TAFA5: variants seen among roughly 807,000 people sequenced by gnomAD.
TAFA5 encodes the protein TAFA chemokine like family member 5.
Under a neutral mutation model 15.3 loss-of-function variants are expected in TAFA5, and 6 were observed. The ratio of observed to expected loss-of-function variants is 0.39; its 90% CI spans 0.21 to 0.77. The LOEUF is 0.77. TAFA5 is among the 30% of genes least tolerant of loss of function. The probability of loss-of-function intolerance (pLI) is 0.41; values close to 1 mark genes in which losing one functional copy is unlikely to be tolerated. For missense variants in TAFA5, 161 were observed against 193.1 expected, an observed-to-expected ratio of 0.83 and a Z score of 0.98; for synonymous variants, 103 against 80.7, an observed-to-expected ratio of 1.28 and a Z score of -1.48.
intron 1 of TAFA5, among the ~76,000 whole-genome samples, chr22:48,594,701 CAGT>C (rs1175917983): frequency 6.6e-6 from 1 of 152,200 alleles, no homozygotes; most frequent in Non-Finnish European, 1.5e-5. Flanking sequence ...GACTGCCACT[CAGT>C]GGTCCCCGCA....
chr22:48,596,761 G>A (rs1924779815), intron 1 of TAFA5, among the ~76,000 whole-genome samples: 2 of 152,084 alleles, frequency 1.3e-5, no homozygotes, highest in Non-Finnish European at 2.9e-5. Flanking sequence ...ATACAGAGGG[G>A]CGCCACTGCC....
chr22:48,505,498 A>G (rs1333524634), intron 1 of TAFA5, among the ~76,000 whole-genome samples: 1 of 152,132 alleles, frequency 6.6e-6, no homozygotes, highest in Non-Finnish European at 1.5e-5. Context: ...GGATTTGAAC[A>G]TGTGATCTCC....
At chr22:48,740,066 A>G (rs941363701) in intron 3 of TAFA5, among the ~76,000 whole-genome samples, 1 of 152,146 alleles carries the variant, frequency 6.6e-6, no homozygotes, top group Non-Finnish European at 1.5e-5. Flanking sequence ...ACTGCTGCCC[A>G]TGCCCATCCC....
At chr22:48,575,630 G>A (rs1257737190) in intron 1 of TAFA5, among the ~76,000 whole-genome samples, 1 of 146,394 alleles carries the variant, frequency 6.8e-6, no homozygotes, top group Non-Finnish European at 1.5e-5. Flanking sequence ...CGGCAGCGGC[G>A]GCCCAGCGTG....
intron 2 of TAFA5, among the ~76,000 whole-genome samples, chr22:48,665,030 C>T (rs1033960948): frequency 1.8e-4 from 28 of 152,134 alleles, no homozygotes; most frequent in Admixed American, 1.7e-3. Context: ...TATCATGTCA[C>T]GTGCCATCAG....
chr22:48,696,249 C>T (rs1387876407), intron 2 of TAFA5, among the ~76,000 whole-genome samples: 3 of 152,204 alleles, frequency 2.0e-5, no homozygotes, highest in African/African-American at 4.8e-5. Context: ...TGTGGCTTTG[C>T]GCATTTCTCA....
intron 1 of TAFA5, among the ~76,000 whole-genome samples, chr22:48,594,583 A>T (rs533197278): frequency 1.0e-3 from 153 of 152,218 alleles, no homozygotes; most frequent in African/African-American, 3.6e-3. Context: ...CGGTGTGATG[A>T]TCCCCATAGG....
chr22:48,527,614 T>G (rs1921824195), intron 1 of TAFA5, among the ~76,000 whole-genome samples: 1 of 152,220 alleles, frequency 6.6e-6, no homozygotes. Flanking sequence ...CTTGTAAGTC[T>G]GCCTGGAAGG....
chr22:48,750,305 C>CT lies in TAFA5; in HGVS notation c.*461dup, dbSNP rs1349034027. 5.4e-6 allele frequency: 1 copy of CT among 183,756 alleles called. No individual in the cohort carries two copies. The highest frequency in any genetic ancestry group is 2.4e-5 in the African/African-American group (1 of 42,188). The allele number at this position is 183,756 out of a possible 1,614,324, so 11.4% of individuals were successfully genotyped here. On this transcript the variant is annotated 3_prime_UTR_variant, in exon 4 of 4. Coordinates refer to ENST00000402357, the MANE Select transcript of TAFA5 (RefSeq NM_001082967.3). Reference sequence around the variant, plus strand: ...TCCGAATTGCTTTTATTTTCTTATACTTTCAGTATACTCCATAGACCAAAG... The same window carrying CT: ...TCCGAATTGCTTTTATTTTCTTATACTTTTCAGTATACTCCATAGACCAAAG...
chr22:48,694,500 G>T (rs961095530), intron 2 of TAFA5, among the ~76,000 whole-genome samples: 1 of 152,112 alleles, frequency 6.6e-6, no homozygotes, highest in Non-Finnish European at 1.5e-5. Flanking sequence ...AAACACGGGC[G>T]CTTCCCAGCC....
intron 2 of TAFA5, among the ~76,000 whole-genome samples, chr22:48,700,902 C>T (rs540946434): frequency 2.6e-4 from 39 of 152,306 alleles, no homozygotes; most frequent in South Asian, 1.4e-3. Flanking sequence ...TGGATTTTGA[C>T]GGTACAGCTC....
chr22:48,642,089 G>C (rs1286578159), intron 1 of TAFA5, among the ~76,000 whole-genome samples: 1 of 151,880 alleles, frequency 6.6e-6, no homozygotes, highest in African/African-American at 2.4e-5. Flanking sequence ...TTTCTGAGGG[G>C]GGCAGCCTGG....
At chr22:48,608,413 A>G (rs1356053807) in intron 1 of TAFA5, among the ~76,000 whole-genome samples, 1 of 150,624 alleles carries the variant, frequency 6.6e-6, no homozygotes, top group East Asian at 1.9e-4. Context: ...TCACTCATGA[A>G]CACGTGATAC....
chr22:48,717,179 T>C (rs1037460603), intron 3 of TAFA5, among the ~76,000 whole-genome samples: 2 of 152,194 alleles, frequency 1.3e-5, no homozygotes, highest in Non-Finnish European at 1.5e-5. Context: ...AACCAGGTCA[T>C]GGGCAAAGAC....
intron 1 of TAFA5, among the ~76,000 whole-genome samples, chr22:48,535,711 ACAT>A (rs776631180): frequency 1.3e-5 from 2 of 151,092 alleles, no homozygotes; most frequent in Non-Finnish European, 3.0e-5. Flanking sequence ...TGCTGCACAC[ACAT>A]CACACACACA....
chr22:48,664,545 G>C (rs900296634), intron 2 of TAFA5, among the ~76,000 whole-genome samples: 4 of 152,084 alleles, frequency 2.6e-5, no homozygotes, highest in African/African-American at 9.7e-5. Context: ...ATATTTCATT[G>C]ACACATCTAT....
At chr22:48,696,489 G>A (rs553520964) in intron 2 of TAFA5, among the ~76,000 whole-genome samples, 2 of 152,326 alleles carry the variant, frequency 1.3e-5, no homozygotes, top group African/African-American at 2.4e-5. Flanking sequence ...GAAGGTGAAG[G>A]TCTGGGGCTT....
At chr22:48,685,306 C>T (rs1202485582) in intron 2 of TAFA5, among the ~76,000 whole-genome samples, 1 of 152,196 alleles carries the variant, frequency 6.6e-6, no homozygotes, top group African/African-American at 2.4e-5. Flanking sequence ...ATGAATGTCT[C>T]TCCTAGGACC....
chr22:48,610,424 G>A (rs577123261), intron 1 of TAFA5, among the ~76,000 whole-genome samples: 26 of 152,370 alleles, frequency 1.7e-4, no homozygotes, highest in Non-Finnish European at 2.8e-4. Flanking sequence ...AATAAATCAC[G>A]ACGAAAGGTA....
Sources: gnomAD v4.1 joint callset for allele counts (sites outside exome capture counted in the v4.1 genomes callset) on GRCh38, gnomAD v4.1.1 for gene constraint, MANE v1.5 for transcripts, NCBI Gene and HGNC (gene_info 2026-07-23, HGNC 2026-07-21) for gene names.